ANKS1B: variants seen among roughly 807,000 people sequenced by gnomAD.
ANKS1B encodes ankyrin repeat and sterile alpha motif domain containing 1B.
ANKS1B carries 36 observed loss-of-function variants against 148.3 expected under a neutral mutation model. That is an observed-to-expected ratio of 0.24 (90% CI 0.19 to 0.32). The LOEUF (loss-of-function observed/expected upper bound fraction) is 0.32. Ranked by LOEUF, ANKS1B falls within the 10% of genes least tolerant of loss-of-function variation. The pLI, the probability that ANKS1B is intolerant of heterozygous loss-of-function variation, is 1.00. For missense variants in ANKS1B, 1,157 were observed against 1,542.6 expected (o/e 0.75, Z 4.19); for synonymous variants, 542 against 560.8 (o/e 0.97, Z 0.47).
At chr12:99,749,297 T>C (rs1473483231) in intron 8 of ANKS1B, among the ~76,000 whole-genome samples, 1 of 151,964 alleles carries the variant, frequency 6.6e-6, no homozygotes, top group Non-Finnish European at 1.5e-5. Context: ...AAGAAGCGCT[T>C]TTGGCCAGGA....
chr12:99,058,503 C>T (rs2041086648), intron 16 of ANKS1B, among the ~76,000 whole-genome samples: 1 of 152,044 alleles, frequency 6.6e-6, no homozygotes, highest in Non-Finnish European at 1.5e-5. Flanking sequence ...CCTGCCTCAA[C>T]CTCCCAAAGT....
chr12:99,282,170 T>C (rs1264688167), intron 12 of ANKS1B, among the ~76,000 whole-genome samples: 1 of 152,142 alleles, frequency 6.6e-6, no homozygotes, highest in Non-Finnish European at 1.5e-5. Context: ...CATGTTTGAG[T>C]AGAGAACTGT....
intron 1 of ANKS1B, among the ~76,000 whole-genome samples, chr12:99,935,760 G>C (rs2094750112): frequency 6.6e-6 from 1 of 152,114 alleles, no homozygotes; most frequent in Non-Finnish European, 1.5e-5. Context: ...GGCCCACCCA[G>C]ATAATGGCCC....
intron 1 of ANKS1B, among the ~76,000 whole-genome samples, chr12:99,919,905 T>C (rs770702489): frequency 6.6e-6 from 1 of 152,194 alleles, no homozygotes; most frequent in Non-Finnish European, 1.5e-5. Flanking sequence ...AAAGAAAACA[T>C]TGTTAGATTT....
At chr12:99,318,921 G>A (rs372633081) in intron 12 of ANKS1B, among the ~76,000 whole-genome samples, 184 of 151,988 alleles carry the variant, frequency 1.2e-3, no homozygotes, top group Middle Eastern at 3.4e-3. Context: ...CCTTCATTTC[G>A]TTATGTACCC....
chr12:99,001,303 A>AT (rs1326418309), intron 17 of ANKS1B, among the ~76,000 whole-genome samples: 1 of 151,622 alleles, frequency 6.6e-6, no homozygotes, highest in Non-Finnish European at 1.5e-5. Flanking sequence ...ATTTTTGTTT[A>AT]TTTTTTGTAG....
intron 9 of ANKS1B, among the ~76,000 whole-genome samples, chr12:99,513,030 C>T (rs2096781994): frequency 6.6e-6 from 1 of 151,384 alleles, no homozygotes; most frequent in Admixed American, 6.6e-5. Context: ...ACATCCTGCA[C>T]ATGTACCCTG....
chr12:99,875,449 G>T lies in ANKS1B; in HGVS notation c.135-50060C>A, dbSNP rs556356277. 3.5e-3 allele frequency among the ~76,000 whole-genome samples: 525 copies of T among 148,374 alleles called. 6 individuals are homozygous for T. The highest frequency in any genetic ancestry group is 0.03 in the South Asian group (143 of 4,716). On this transcript the variant is annotated intron_variant, in intron 1 of 26. Coordinates refer to ENST00000683438, the MANE Select transcript of ANKS1B (RefSeq NM_001352186.2). ...TACAGTTTAACTTAGAAAAAAAAAA[G>T]TCTTATATAAACCACAGCTCTTGTA...
chr12:98,868,201 G>A (rs1410908409), intron 17 of ANKS1B, among the ~76,000 whole-genome samples: 1 of 152,318 alleles, frequency 6.6e-6, no homozygotes, highest in Admixed American at 6.5e-5. Context: ...ATAAAAACCC[G>A]TAATTCAAGG....
intron 14 of ANKS1B, among the ~76,000 whole-genome samples, chr12:99,169,048 A>G (rs2077483404): frequency 1.3e-5 from 2 of 152,194 alleles, no homozygotes; most frequent in South Asian, 4.1e-4. Context: ...ACTTCTTTTT[A>G]TACTTTATTC....
chr12:99,298,233 G>C (rs1373122745), intron 12 of ANKS1B, among the ~76,000 whole-genome samples: 2 of 152,230 alleles, frequency 1.3e-5, no homozygotes, highest in Non-Finnish European at 1.5e-5. Flanking sequence ...ATATGGGCTG[G>C]CTGTGTCCCC....
intron 17 of ANKS1B, among the ~76,000 whole-genome samples, chr12:98,951,644 C>T (rs959237212): frequency 1.1e-4 from 17 of 152,090 alleles, no homozygotes; most frequent in African/African-American, 3.4e-4. Context: ...CTGTGCTCCT[C>T]GCCATTGCCC....
intron 9 of ANKS1B, among the ~76,000 whole-genome samples, chr12:99,546,814 G>C (rs979473446): frequency 7.9e-5 from 12 of 152,176 alleles, no homozygotes; most frequent in African/African-American, 2.9e-4. Flanking sequence ...GTTCTAGTAA[G>C]GGGAAAGGAG....
intron 12 of ANKS1B, among the ~76,000 whole-genome samples, chr12:99,347,389 ATCAAATGATCT>A (rs1335580846): frequency 3.9e-5 from 6 of 151,990 alleles, no homozygotes; most frequent in Non-Finnish European, 1.5e-5. Context: ...AGGCCACATG[ATCAAATGATCT>A]TGAGAAGATC....
chr12:99,474,049 G>C (rs911924954), intron 10 of ANKS1B, among the ~76,000 whole-genome samples: 2 of 152,066 alleles, frequency 1.3e-5, no homozygotes, highest in African/African-American at 2.4e-5. Flanking sequence ...AATATCCTTA[G>C]AAGAGTGAGT....
intron 8 of ANKS1B, among the ~76,000 whole-genome samples, chr12:99,741,526 A>G (rs1199632726): frequency 1.9e-4 from 29 of 152,210 alleles, no homozygotes; most frequent in Non-Finnish European, 1.5e-4. Flanking sequence ...CTGGATAAAG[A>G]AAATGTGGCA....
In ANKS1B at chr12:99,179,416, G is replaced by A. The variant is rs565751939; in HGVS notation, c.2420-25021C>T. 3.0e-4 allele frequency among the ~76,000 whole-genome samples: 36 copies of A among 121,182 alleles called. No individual in the cohort carries two copies. The South Asian group carries it at 5.1e-3, about 17-fold the overall frequency. The allele number at this position is 121,182 out of a possible 152,430, so 79.5% of individuals were successfully genotyped here. ...TGCACTCCGGCCTGGGTGACACAGC[G>A]AGACTCTGTCTCAAAAAAAAAAAAA... On this transcript the variant is annotated intron_variant, in intron 14 of 26. Coordinates refer to ENST00000683438, the MANE Select transcript of ANKS1B (RefSeq NM_001352186.2).
Position 99,793,015 on chromosome 12 carries a change from A to G in ANKS1B, c.670-10918T>C, listed in dbSNP as rs528039143. On this transcript the variant is annotated intron_variant, in intron 4 of 26. Transcript: ENST00000683438. ...TAGCAACGTTGCAGGATACAAAATCAACATACAAAAATCAGCAGCATTTCT... is the reference window on the plus strand; with the variant it reads ...TAGCAACGTTGCAGGATACAAAATCGACATACAAAAATCAGCAGCATTTCT... 5.9e-5 allele frequency among the ~76,000 whole-genome samples: 9 copies of G among 152,206 alleles called. No homozygotes were observed. The East Asian group carries it at 1.5e-3, about 26-fold the overall frequency.
intron 11 of ANKS1B, among the ~76,000 whole-genome samples, chr12:99,440,568 C>T (rs1218632703): frequency 2.0e-5 from 3 of 151,286 alleles, no homozygotes; most frequent in African/African-American, 7.3e-5. Context: ...GATTTTAAGA[C>T]GTGAAATAAC....
Sources: allele counts gnomAD v4.1 joint callset (sites outside exome capture counted in the v4.1 genomes callset), GRCh38; gene constraint gnomAD v4.1.1; transcripts MANE v1.5; gene names NCBI Gene and HGNC (gene_info 2026-07-23, HGNC 2026-07-21).